HSD17B12: variants seen among roughly 807,000 people sequenced by gnomAD.
HSD17B12 encodes the protein very-long-chain 3-oxoacyl-CoA reductase.
Under a neutral mutation model 39.3 loss-of-function variants are expected in HSD17B12, and 32 were observed. The ratio of observed to expected loss-of-function variants is 0.81; its 90% confidence interval spans 0.61 to 1.09. The LOEUF is 1.09. Ranked by LOEUF, HSD17B12 falls within the 50% of genes least tolerant of loss-of-function variation. The pLI is 0.00. For synonymous variants in HSD17B12, 150 were observed against 146.7 expected, an observed-to-expected ratio of 1.02 and a Z score of -0.16; for missense variants, 342 against 382.9, an observed-to-expected ratio of 0.89 and a Z score of 0.89.
the HSD17B12 span, chr11:43,581,434 A>G: frequency 4.6e-5 from 24 of 524,704 alleles, no homozygotes; most frequent in East Asian, 7.1e-4. This position sits in a 1 kb window ranked among gnomAD's most constrained non-coding sequence, Gnocchi z 4.9. Flanking sequence ...CTTGCTGTAC[A>G]TAACTCAATA....
chr11:43,591,298 TA>T, the HSD17B12 span, among the ~76,000 whole-genome samples: 1 of 152,212 alleles, frequency 6.6e-6, no homozygotes, highest in Admixed American at 6.5e-5. Flanking sequence ...AATAGATGTC[TA>T]ATCTAGTGTT....
intron 1 of HSD17B12, among the ~76,000 whole-genome samples, chr11:43,695,257 C>T (rs993907337): frequency 3.9e-5 from 6 of 152,048 alleles, no homozygotes; most frequent in Admixed American, 1.3e-4. Flanking sequence ...AGTGAGCCAC[C>T]GTGTCCGGCC....
intron 9 of HSD17B12, among the ~76,000 whole-genome samples, chr11:43,843,266 C>CA (rs531788520): frequency 1.3e-4 from 19 of 151,514 alleles, no homozygotes; most frequent in African/African-American, 3.6e-4. Context: ...ATCAAAGGGG[C>CA]AAAAAAAATG....
At chr11:43,768,683 G>T (rs1278210536) in intron 3 of HSD17B12, among the ~76,000 whole-genome samples, 2 of 152,182 alleles carry the variant, frequency 1.3e-5, no homozygotes, top group Non-Finnish European at 2.9e-5. Flanking sequence ...AGGTGGTGTG[G>T]ACCCAAAGAG....
intron 2 of HSD17B12, 98 bp from the exon 3 acceptor site, chr11:43,753,948 T>G (rs1950487509): frequency 1.5e-6 from 1 of 668,770 alleles, no homozygotes; most frequent in Admixed American, 2.7e-5. Flanking sequence ...TATTTTGAAC[T>G]ATCATCTGGA....
chr11:43,821,794 G>A (rs939797691), intron 6 of HSD17B12, among the ~76,000 whole-genome samples: 22 of 152,178 alleles, frequency 1.4e-4, no homozygotes, highest in African/African-American at 5.1e-4. Flanking sequence ...TTGCTGTGCC[G>A]TTTGTTTCTG....
At chr11:43,654,365 G>A in the HSD17B12 span, among the ~76,000 whole-genome samples, 7 of 151,860 alleles carry the variant, frequency 4.6e-5, no homozygotes, top group African/African-American at 1.5e-4. Context: ...CTCTGATGGT[G>A]GTTTCTTTTG....
chr11:43,755,540 C>T (rs1305132870), intron 3 of HSD17B12: 3 of 152,184 alleles, frequency 2.0e-5, no homozygotes. Flanking sequence ...GTATTTATCT[C>T]TATGAGTCCT....
At chr11:43,716,742 CAT>C (rs34482711) in intron 1 of HSD17B12, among the ~76,000 whole-genome samples, 20,743 of 145,590 alleles carry the variant, frequency 0.14, 1,953 homozygotes, top group Non-Finnish European at 0.19. Context: ...ATATATTATA[CAT>C]ATATATATAT....
At chr11:43,608,731 T>C in the HSD17B12 span, among the ~76,000 whole-genome samples, 1 of 152,210 alleles carries the variant, frequency 6.6e-6, no homozygotes. Context: ...GCAATAAAAA[T>C]ATTTGTAGCT....
At chr11:43,766,076 C>T (rs1297403359) in intron 3 of HSD17B12, among the ~76,000 whole-genome samples, 3 of 152,250 alleles carry the variant, frequency 2.0e-5, no homozygotes, top group South Asian at 2.1e-4. Context: ...CTGCCTGCCT[C>T]GGCCTCCCAA....
At chr11:43,718,628 C>T (rs1950147645) in intron 1 of HSD17B12, 3 of 646,190 alleles carry the variant, frequency 4.6e-6, no homozygotes, top group African/African-American at 3.6e-5. Flanking sequence ...GTTACTAAGT[C>T]TCTTACCCCA....
chr11:43,818,809 C>A (rs1429144941), intron 6 of HSD17B12, among the ~76,000 whole-genome samples: 1 of 152,070 alleles, frequency 6.6e-6, no homozygotes, highest in Non-Finnish European at 1.5e-5. Context: ...TATAAGGGCT[C>A]TCAAAATGTT....
chr11:43,596,676 G>C, the HSD17B12 span, among the ~76,000 whole-genome samples: 21 of 152,110 alleles, frequency 1.4e-4, no homozygotes, highest in African/African-American at 4.8e-4. Flanking sequence ...GAACTCAAGC[G>C]ATCCTCCTGC....
At chr11:43,716,558 T>TTATTGATCACTTAC (rs1343685630) in intron 1 of HSD17B12, among the ~76,000 whole-genome samples, 18 of 151,970 alleles carry the variant, frequency 1.2e-4, no homozygotes, top group African/African-American at 4.4e-4. Context: ...TCGCAAACCC[T>TTATTGATCACTTAC]TATTGATCAC....
intron 1 of HSD17B12, among the ~76,000 whole-genome samples, chr11:43,740,545 T>A (rs761130284): frequency 3.9e-5 from 6 of 152,196 alleles, no homozygotes; most frequent in Non-Finnish European, 5.9e-5. Flanking sequence ...AATTCAGTGG[T>A]GTTATCAGGG....
chr11:43,818,958 T>C (rs948853461), intron 6 of HSD17B12, among the ~76,000 whole-genome samples: 2 of 152,248 alleles, frequency 1.3e-5, no homozygotes. Context: ...TTTTTGCCTT[T>C]TGAAATGACC....
chr11:43,843,657 G>A (rs1951447713), intron 9 of HSD17B12, among the ~76,000 whole-genome samples: 1 of 152,058 alleles, frequency 6.6e-6, no homozygotes, highest in African/African-American at 2.4e-5. Context: ...TCTTCTCACT[G>A]TATCTCCTCC....
the HSD17B12 span, among the ~76,000 whole-genome samples, chr11:43,583,489 T>C: frequency 3.3e-5 from 5 of 152,186 alleles, no homozygotes; most frequent in African/African-American, 1.2e-4. Flanking sequence ...GAAAGGGGTC[T>C]CTCATTCCGG....
Sources: allele counts gnomAD v4.1 joint callset (sites outside exome capture counted in the v4.1 genomes callset), GRCh38; gene constraint gnomAD v4.1.1; non-coding constraint Gnocchi (gnomAD v3.1); transcripts MANE v1.5; gene names NCBI Gene and HGNC (gene_info 2026-07-23, HGNC 2026-07-21).